The following CHRM3 variants were observed in gnomAD, a reference collection of about 807,000 sequenced individuals.
CHRM3 encodes muscarinic acetylcholine receptor M3.
CHRM3 carries 11 observed loss-of-function variants against 41.8 expected under a neutral mutation model. The ratio of observed to expected loss-of-function variants is 0.26; its 90% CI spans 0.17 to 0.44. CHRM3 has a LOEUF of 0.44. CHRM3 is among the 20% of genes least tolerant of loss of function. The probability of loss-of-function intolerance (pLI) is 1.00; values close to 1 mark genes in which losing one functional copy is unlikely to be tolerated. For synonymous variants in CHRM3, 297 were observed against 301.4 expected, an observed-to-expected ratio of 0.99 and a Z score of 0.15; for missense variants, 571 against 745.4, an observed-to-expected ratio of 0.77 and a Z score of 2.72.
chr1:239,779,487 A>G (rs1668349770), intron 5 of CHRM3, among the ~76,000 whole-genome samples: 1 of 152,250 alleles, frequency 6.6e-6, no homozygotes, highest in African/African-American at 2.4e-5. Context: ...TAATCCCAAC[A>G]CTTCGGGAGG....
At chr1:239,616,949 T>A (rs1667701699) in intron 3 of CHRM3, among the ~76,000 whole-genome samples, 1 of 151,808 alleles carries the variant, frequency 6.6e-6, no homozygotes, top group African/African-American at 2.4e-5. Flanking sequence ...GTCTATGAAA[T>A]CTGGGCAAAT....
At chr1:239,617,258 C>T (rs1667733681) in intron 3 of CHRM3, among the ~76,000 whole-genome samples, 1 of 152,218 alleles carries the variant, frequency 6.6e-6, no homozygotes, top group Non-Finnish European at 1.5e-5. Context: ...AACACCATAT[C>T]TCTTTCTCGA....
chr1:239,768,641 A>T (rs1667412356), intron 5 of CHRM3, among the ~76,000 whole-genome samples: 1 of 152,184 alleles, frequency 6.6e-6, no homozygotes, highest in Non-Finnish European at 1.5e-5. Context: ...TAAAATCCTT[A>T]GACGCTGTGG....
intron 1 of CHRM3, among the ~76,000 whole-genome samples, chr1:239,451,488 G>A (rs997249110): frequency 3.9e-5 from 6 of 152,088 alleles, no homozygotes; most frequent in East Asian, 1.9e-4. Flanking sequence ...CCATGGAGGG[G>A]CCACTTCAGC....
chr1:239,558,064 T>C (rs1660532835), intron 3 of CHRM3, among the ~76,000 whole-genome samples: 1 of 152,186 alleles, frequency 6.6e-6, no homozygotes, highest in African/African-American at 2.4e-5. Flanking sequence ...TCACCAGATG[T>C]CTTCCACAAT....
At chr1:239,597,038 A>G (rs1281181806) in intron 3 of CHRM3, among the ~76,000 whole-genome samples, 1 of 152,180 alleles carries the variant, frequency 6.6e-6, no homozygotes, top group Admixed American at 6.5e-5. Flanking sequence ...TTTAAGCAGA[A>G]GTCAAAATAA....
intron 5 of CHRM3, among the ~76,000 whole-genome samples, chr1:239,762,837 G>A (rs1045334153): frequency 6.6e-5 from 10 of 152,096 alleles, no homozygotes; most frequent in African/African-American, 2.4e-4. Context: ...CATAAAAATG[G>A]CTGGATTCAA....
At chr1:239,726,015 G>T (rs769713667) in intron 5 of CHRM3, among the ~76,000 whole-genome samples, 1 of 151,822 alleles carries the variant, frequency 6.6e-6, no homozygotes, top group Non-Finnish European at 1.5e-5. Context: ...GTGAAATCTG[G>T]CCCATTCCCT....
chr1:239,781,706 G>A (rs139867581), intron 5 of CHRM3, among the ~76,000 whole-genome samples: 15 of 152,062 alleles, frequency 9.9e-5, no homozygotes, highest in Non-Finnish European at 1.9e-4. Flanking sequence ...GATATTAGTG[G>A]GAAAGCTACT....
intron 1 of CHRM3, among the ~76,000 whole-genome samples, chr1:239,442,647 T>C (rs1663823096): frequency 6.6e-6 from 1 of 152,126 alleles, no homozygotes; most frequent in Admixed American, 6.5e-5. Context: ...TTGTTCTGAC[T>C]GGAGAAGAGA....
At chr1:239,760,695 A>G (rs1666686963) in intron 5 of CHRM3, among the ~76,000 whole-genome samples, 1 of 151,956 alleles carries the variant, frequency 6.6e-6, no homozygotes, top group Admixed American at 6.6e-5. Context: ...CGCTCTGCTC[A>G]TGTGTGGTTT....
At chr1:239,562,223 A>AG (rs1447212795) in intron 3 of CHRM3, among the ~76,000 whole-genome samples, 1 of 152,170 alleles carries the variant, frequency 6.6e-6, no homozygotes, top group East Asian at 1.9e-4. Flanking sequence ...GGGAAGGGGA[A>AG]GGGAGGCATG....
intron 4 of CHRM3, among the ~76,000 whole-genome samples, chr1:239,634,475 G>C (rs1380480980): frequency 6.6e-6 from 1 of 150,620 alleles, no homozygotes. Flanking sequence ...ATCTGATTTG[G>C]GAAAATCAGT....
rs1322339379 is a variant in CHRM3, at chr1:239,545,631, G to A, written c.-421-10G>A. ...CTGACCGATTTTTTCATCTTTTTGT[G>A]TCTGTTTAGATATGAACAGTAATGG... On this transcript the variant is annotated splice_polypyrimidine_tract_variant and intron_variant, in intron 2 of 6. Coordinates refer to ENST00000676153, the MANE Select transcript of CHRM3 (RefSeq NM_001375978.1). 6.6e-6 allele frequency: 1 copy of A among 151,988 alleles called. No individual in the cohort carries two copies. The highest frequency in any genetic ancestry group is 1.5e-5 in the Non-Finnish European group (1 of 67,990). The allele number at this position is 151,988 out of a possible 1,614,324, so 9.4% of individuals were successfully genotyped here. A position where few individuals can be genotyped will look rare whatever the true frequency, so the allele number is the denominator to read the frequency against.
At chr1:239,501,943 T>G (rs1040910544) in intron 2 of CHRM3, among the ~76,000 whole-genome samples, 1 of 151,942 alleles carries the variant, frequency 6.6e-6, no homozygotes, top group Non-Finnish European at 1.5e-5. Flanking sequence ...AAGAGGAAAG[T>G]TCACAGCCCT....
intron 3 of CHRM3, among the ~76,000 whole-genome samples, chr1:239,619,221 C>T (rs917251286): frequency 2.0e-5 from 3 of 152,060 alleles, no homozygotes; most frequent in Non-Finnish European, 4.4e-5. Flanking sequence ...GACCTCCTTT[C>T]TCTTTTTTAT....
intron 5 of CHRM3, among the ~76,000 whole-genome samples, chr1:239,799,824 C>T (rs116490257): frequency 0.032 from 4,830 of 152,244 alleles, 96 homozygotes; most frequent in Non-Finnish European, 0.037. Flanking sequence ...TCCCTTGCCG[C>T]TCTCAATGAA....
rs1475257782 is a variant in CHRM3 at position 239,908,159 on chromosome 1, C to T, written c.708C>T (p.Ala236=). Residue 236 remains alanine (A), a synonymous_variant, in exon 7 of 7, where the codon GCC becomes GCT. Transcript: ENST00000676153. The surrounding 1 kb of genome is among the most constrained non-coding windows in gnomAD (Gnocchi z 7.2). The part of the protein sequence containing the change: ...LSEPTITFGT[A]IAAFYMPVTI... Reference sequence around the variant, plus strand: ...AGCCCACCATTACTTTTGGCACAGCCATCGCTGCTTTTTATATGCCTGTCA... The same window carrying T: ...AGCCCACCATTACTTTTGGCACAGCTATCGCTGCTTTTTATATGCCTGTCA... 1 of 1,614,128 alleles carries T rather than the reference C, an allele frequency of 6.2e-7. No individual in the cohort carries two copies. The highest frequency in any genetic ancestry group is 2.2e-5 in the East Asian group (1 of 44,854).
chr1:239,704,043 A>AT (rs1660918457), intron 5 of CHRM3: 3 of 152,222 alleles, frequency 2.0e-5, no homozygotes, highest in Admixed American at 1.3e-4. Flanking sequence ...TGGAGTTTTT[A>AT]TGCAGGTCAC....
Sources: gnomAD v4.1 joint callset for allele counts (sites outside exome capture counted in the v4.1 genomes callset) on GRCh38, gnomAD v4.1.1 for gene constraint, Gnocchi (gnomAD v3.1) non-coding constraint, MANE v1.5 for transcripts, NCBI Gene and HGNC (gene_info 2026-07-23, HGNC 2026-07-21) for gene names.